The following LRIG1 variants were observed in gnomAD, a reference collection of about 807,000 sequenced individuals.
LRIG1 encodes leucine rich repeats and immunoglobulin like domains 1, also known as leucine-rich repeats and immunoglobulin-like domains protein 1.
Under a neutral mutation model 99.2 loss-of-function variants are expected in LRIG1, and 48 were observed. The ratio of observed to expected loss-of-function variants is 0.48; its 90% CI spans 0.38 to 0.62. LRIG1 has a LOEUF of 0.62. Ranked by LOEUF, LRIG1 falls within the 20% of genes least tolerant of loss-of-function variation. The probability of loss-of-function intolerance (pLI) is 0.00; values close to 1 mark genes in which losing one functional copy is unlikely to be tolerated. For synonymous variants in LRIG1, 772 were observed against 596.1 expected, an observed-to-expected ratio of 1.29 and a Z score of -4.30; for missense variants, 1,646 against 1,434.4, an observed-to-expected ratio of 1.15 and a Z score of -2.38.
At chr3:66,450,330 C>T (rs779069904) in intron 3 of LRIG1, among the ~76,000 whole-genome samples, 17 of 152,164 alleles carry the variant, frequency 1.1e-4, no homozygotes, top group Non-Finnish European at 1.8e-4. Flanking sequence ...GTCAAACACT[C>T]CCACAGAATG....
At chr3:66,479,180 T>C (rs1700791634) in intron 1 of LRIG1, among the ~76,000 whole-genome samples, 1 of 152,212 alleles carries the variant, frequency 6.6e-6, no homozygotes. Context: ...AATTTATAGC[T>C]GCAAAGCTCC....
chr3:66,440,376 C>A (rs1028693114), intron 3 of LRIG1, among the ~76,000 whole-genome samples: 5 of 152,014 alleles, frequency 3.3e-5, no homozygotes, highest in African/African-American at 9.7e-5. Flanking sequence ...CTGCACCTAC[C>A]CCAGGTAGAG....
intron 1 of LRIG1, among the ~76,000 whole-genome samples, chr3:66,479,541 C>T (rs911734331): frequency 5.9e-5 from 9 of 152,170 alleles, no homozygotes; most frequent in Admixed American, 5.2e-4. Flanking sequence ...AGGGGAATAC[C>T]CCAAGCTGCT....
chr3:66,380,053 A>C lies in LRIG1; in HGVS notation c.*210T>G. The C allele has an allele frequency of 2.1e-6, 1 of 481,926 alleles. No homozygotes were observed. The highest frequency in any genetic ancestry group is 3.7e-6 in the Non-Finnish European group (1 of 271,402). 29.9% of individuals were successfully genotyped at this position (481,926 alleles called of 1,614,324 possible). On this transcript the variant is annotated 3_prime_UTR_variant, in exon 19 of 19. Coordinates refer to ENST00000273261, the MANE Select transcript of LRIG1 (RefSeq NM_015541.3). ...AAATCTCTGAAAACTCTTATGTACAATGATATCAAATACTTTTTTTGCCTT... is the reference window on the plus strand; with the variant it reads ...AAATCTCTGAAAACTCTTATGTACACTGATATCAAATACTTTTTTTGCCTT...
At position 66,380,113 on chromosome 3, in the gene LRIG1, TC is replaced by T; in HGVS notation, c.*149del. The T allele has an allele frequency of 1.6e-6, 1 of 627,756 alleles. No individual in the cohort carries two copies. The highest frequency in any genetic ancestry group is 2.7e-6 in the Non-Finnish European group (1 of 370,942). The allele number at this position is 627,756 out of a possible 1,614,324, so 38.9% of individuals were successfully genotyped here. On this transcript the variant is annotated 3_prime_UTR_variant, in exon 19 of 19. Coordinates refer to ENST00000273261, the MANE Select transcript of LRIG1 (RefSeq NM_015541.3). The stretch of plus-strand genomic sequence containing the variant: ...AATCCCCTCTTGCGTTTACTGTGCT[TC>T]AGATCCAAGTCCTGTGAGCGACTGA...
At chr3:66,477,141 A>G (rs888619090) in intron 1 of LRIG1, among the ~76,000 whole-genome samples, 4 of 152,234 alleles carry the variant, frequency 2.6e-5, no homozygotes, top group Non-Finnish European at 5.9e-5. Flanking sequence ...GCTGAAGTTA[A>G]TAATTCACAA....
chr3:66,383,965 C>CACACACAT, intron 14 of LRIG1, 26 bp downstream of exon 14: 1 of 1,607,486 alleles, frequency 6.2e-7, no homozygotes, highest in Admixed American at 1.7e-5. Context: ...CACACACACA[C>CACACACAT]ACACACAGTA....
chr3:66,440,085 G>A (rs1260360452), intron 3 of LRIG1, among the ~76,000 whole-genome samples: 1 of 152,068 alleles, frequency 6.6e-6, no homozygotes, highest in African/African-American at 2.4e-5. Flanking sequence ...TTATGAGAGG[G>A]GAGGAGACAA....
At chr3:66,382,178 G>T in intron 16 of LRIG1, 95 bp downstream of exon 16, 1 of 1,457,996 alleles carries the variant, frequency 6.9e-7, no homozygotes, top group Non-Finnish European at 9.5e-7. Context: ...CCCATCTAAT[G>T]CCAGGTACCT....
intron 3 of LRIG1, among the ~76,000 whole-genome samples, chr3:66,424,075 C>G (rs1702901645): frequency 6.6e-6 from 1 of 152,214 alleles, no homozygotes; most frequent in Admixed American, 6.5e-5. Context: ...AGCTCTCACT[C>G]TTAACTTCAA....
At chr3:66,486,548 G>A (rs556518339) in intron 1 of LRIG1, among the ~76,000 whole-genome samples, 2 of 152,302 alleles carry the variant, frequency 1.3e-5, no homozygotes, top group Admixed American at 6.5e-5. Flanking sequence ...TGAACTTAAA[G>A]AGCTCAAGAC....
At chr3:66,479,229 C>A (rs1166784452) in intron 1 of LRIG1, among the ~76,000 whole-genome samples, 2 of 152,234 alleles carry the variant, frequency 1.3e-5, no homozygotes, top group African/African-American at 4.8e-5. Context: ...AGAGGAAATG[C>A]AGAGAAAACG....
intron 17 of LRIG1, 92 bp from the exon 18 acceptor site, chr3:66,380,953 G>T: frequency 7.4e-7 from 1 of 1,349,266 alleles, no homozygotes; most frequent in Non-Finnish European, 1.0e-6. Flanking sequence ...CACTGTGCAA[G>T]GTGAGAACCC....
intron 3 of LRIG1, among the ~76,000 whole-genome samples, chr3:66,442,199 T>C (rs189918553): frequency 1.9e-3 from 294 of 152,306 alleles, no homozygotes; most frequent in Non-Finnish European, 3.5e-3. Context: ...ATATTCCCTA[T>C]GTATGGCCCA....
chr3:66,421,569 G>A (rs911880839), intron 3 of LRIG1, among the ~76,000 whole-genome samples: 1 of 152,164 alleles, frequency 6.6e-6, no homozygotes, highest in East Asian at 1.9e-4. Context: ...GGCTTTGCAG[G>A]GTATAGCCTC....
At chr3:66,393,986 C>A in intron 12 of LRIG1, 54 bp downstream of exon 12, 1 of 1,589,540 alleles carries the variant, frequency 6.3e-7, no homozygotes. Flanking sequence ...AAGAGTACCT[C>A]CTGGCTTCCT....
At chr3:66,492,244 CAT>C (rs1701117863) in intron 1 of LRIG1, among the ~76,000 whole-genome samples, 1 of 152,212 alleles carries the variant, frequency 6.6e-6, no homozygotes, top group Non-Finnish European at 1.5e-5. Context: ...AACAGGCTAT[CAT>C]CAAGTAGGTA....
chr3:66,453,881 C>T (rs1258983250), intron 2 of LRIG1, among the ~76,000 whole-genome samples: 3 of 152,318 alleles, frequency 2.0e-5, no homozygotes, highest in South Asian at 4.1e-4. Flanking sequence ...GGTCTCAGGC[C>T]AGGCCTACTG....
chr3:66,489,531 G>A (rs62243270), intron 1 of LRIG1, among the ~76,000 whole-genome samples: 3 of 3,646 alleles, frequency 8.2e-4, no homozygotes, highest in Non-Finnish European at 0.01. Flanking sequence ...GTGTATGTGT[G>A]TGTGTGTGTG....
Sources: gnomAD v4.1 joint callset for allele counts (sites outside exome capture counted in the v4.1 genomes callset) on GRCh38, gnomAD v4.1.1 for gene constraint, MANE v1.5 for transcripts, NCBI Gene and HGNC (gene_info 2026-07-23, HGNC 2026-07-21) for gene names.